The following MTPN variants were observed in gnomAD, a reference collection of about 807,000 sequenced individuals.
The protein encoded by MTPN is granule cell differentiation protein.
A neutral mutation model predicts 13.5 loss-of-function variants in MTPN; 2 were observed. The ratio of observed to expected loss-of-function variants is 0.15; its 90% CI spans 0.06 to 0.47. The LOEUF (loss-of-function observed/expected upper bound fraction) is 0.47. Ranked by LOEUF, MTPN falls within the 20% of genes least tolerant of loss-of-function variation. MTPN has a pLI of 0.97. For missense variants in MTPN, 79 were observed against 137.9 expected, an observed-to-expected ratio of 0.57 and a Z score of 2.14; for synonymous variants, 46 against 51.7, an observed-to-expected ratio of 0.89 and a Z score of 0.48.
Position 135,977,207 on chromosome 7 carries a change from G to A in MTPN, c.-107C>T. ...GGAGGCAGGGCCGCGCGAAGCCGGA[G>A]AGGAGAAGAAGAGAAGGAGGGTTAG... is the stretch of plus-strand genomic sequence containing the variant. On this transcript the variant is annotated 5_prime_UTR_variant, in exon 1 of 4. Transcript: ENST00000393085. 2 of 1,167,156 alleles carry A rather than the reference G, an allele frequency of 1.7e-6. No individual in the cohort carries two copies. Among genetic ancestry groups the A allele is most frequent in the Non-Finnish European group, 2.6e-6 (2 of 783,404 alleles). 72.3% of individuals were successfully genotyped at this position (1,167,156 alleles called of 1,614,324 possible). A position where few individuals can be genotyped will look rare whatever the true frequency, so the allele number is the denominator to read the frequency against.
intron 1 of MTPN, among the ~76,000 whole-genome samples, chr7:135,967,101 C>T (rs144806420): frequency 2.0e-5 from 3 of 152,010 alleles, no homozygotes; most frequent in African/African-American, 7.2e-5. Flanking sequence ...GTCATTAAGA[C>T]AAAACTCATT....
Position 135,927,618 on chromosome 7 carries a change from A to C in MTPN, c.*2308T>G, listed in dbSNP as rs1240206704. The C allele has an allele frequency of 9.0e-6, 6 of 669,622 alleles. No individual in the cohort carries two copies. Among genetic ancestry groups the C allele is most frequent in the Non-Finnish European group, 1.7e-5 (6 of 360,756 alleles). The allele number at this position is 669,622 out of a possible 1,614,324, so 41.5% of individuals were successfully genotyped here. A position where few individuals can be genotyped will look rare whatever the true frequency, so the allele number is the denominator to read the frequency against. ...ATTAAGTGTTGTGAATTTGTCTGCC[A>C]AGTGGTTCAGAAATACATTATAAAT... On this transcript the variant is annotated 3_prime_UTR_variant, in exon 4 of 4. Transcript: ENST00000393085.
chr7:135,957,465 T>C (rs1173883144), intron 1 of MTPN, among the ~76,000 whole-genome samples: 1 of 152,122 alleles, frequency 6.6e-6, no homozygotes, highest in Non-Finnish European at 1.5e-5. Context: ...GAGTCTTCCT[T>C]GGTCCTAACC....
intron 3 of MTPN, among the ~76,000 whole-genome samples, chr7:135,933,295 A>G (rs137970294): frequency 1.1e-3 from 165 of 152,210 alleles, no homozygotes; most frequent in African/African-American, 3.7e-3. Context: ...TGCTACATAC[A>G]TAGGCCTTTA....
intron 1 of MTPN, among the ~76,000 whole-genome samples, chr7:135,961,474 G>T (rs1285238586): frequency 6.6e-6 from 1 of 151,792 alleles, no homozygotes; most frequent in Non-Finnish European, 1.5e-5. Context: ...GGACTACAGA[G>T]AGAAACTATC....
intron 1 of MTPN, among the ~76,000 whole-genome samples, chr7:135,973,317 A>C (rs1444399465): frequency 3.3e-5 from 5 of 149,850 alleles, no homozygotes; most frequent in Non-Finnish European, 5.9e-5. Context: ...CAACTGATCT[A>C]AAGTAGTAAG....
intron 1 of MTPN, among the ~76,000 whole-genome samples, chr7:135,954,884 A>G (rs1231972789): frequency 6.6e-6 from 1 of 152,226 alleles, no homozygotes; most frequent in African/African-American, 2.4e-5. Flanking sequence ...CAGAGCTTGC[A>G]GTAAGCCGAG....
rs1369427487 is a variant in MTPN, at chr7:135,927,203, A to T, written c.*2723T>A. Reference sequence around the variant, plus strand: ...TACTTGGGAAAAGATATCAATGAATAAAAGGCCTACTTGTTTGCAGCTTCC... The same window carrying T: ...TACTTGGGAAAAGATATCAATGAATTAAAGGCCTACTTGTTTGCAGCTTCC... On this transcript the variant is annotated 3_prime_UTR_variant, in exon 4 of 4. Coordinates refer to ENST00000393085, the MANE Select transcript of MTPN (RefSeq NM_145808.4). 4 of 1,112,368 alleles carry T rather than the reference A, an allele frequency of 3.6e-6. No individual in the cohort carries two copies. In the African/African-American group the frequency reaches 6.4e-5, roughly 18 times the overall value. 68.9% of individuals were successfully genotyped at this position (1,112,368 alleles called of 1,614,324 possible).
chr7:135,935,604 T>C lies in MTPN; in HGVS notation c.271-5592A>G, dbSNP rs568334747. The stretch of plus-strand genomic sequence containing the variant: ...GGGTGTTCTTTCTCAAATGCCAGTC[T>C]GATCATACTGTTCATATACCTAAAA... On this transcript the variant is annotated intron_variant, in intron 3 of 3. Transcript: ENST00000393085. Among the ~76,000 whole-genome samples the C allele has an allele frequency of 2.0e-5, 3 of 152,336 alleles. No individual in the cohort carries two copies. In the South Asian group the frequency reaches 6.2e-4, roughly 32 times the overall value.
chr7:135,936,247 G>A (rs143998017), intron 3 of MTPN, among the ~76,000 whole-genome samples: 2,634 of 152,318 alleles, frequency 0.017, 32 homozygotes, highest in Non-Finnish European at 0.026. Context: ...CACTTTGGGA[G>A]GCCAGGGTGG....
chr7:135,976,924 T>TTCC, intron 1 of MTPN, 105 bp downstream of exon 1: 1 of 724,844 alleles, frequency 1.4e-6, no homozygotes, highest in Non-Finnish European at 2.5e-6. Context: ...AGGAAGTCTC[T>TTCC]CCTCCCGCCC....
chr7:135,947,700 T>C (rs540557007), intron 3 of MTPN, among the ~76,000 whole-genome samples: 3 of 152,268 alleles, frequency 2.0e-5, no homozygotes, highest in Admixed American at 1.3e-4. Context: ...TGCTGAATCC[T>C]ACATCTTGGA....
At chr7:135,949,836 C>T (rs1245179886) in intron 3 of MTPN, among the ~76,000 whole-genome samples, 2 of 152,146 alleles carry the variant, frequency 1.3e-5, no homozygotes, top group Non-Finnish European at 2.9e-5. Flanking sequence ...TTCTGTTTTT[C>T]TCTTGCTTCT....
At chr7:135,975,128 T>C (rs1403084454) in intron 1 of MTPN, among the ~76,000 whole-genome samples, 1 of 152,230 alleles carries the variant, frequency 6.6e-6, no homozygotes, top group East Asian at 1.9e-4. Context: ...GGTAGTAATA[T>C]AGGGAAAATA....
rs777484593 is a variant in MTPN, at chr7:135,939,808, TGAAG to T, written c.271-9800_271-9797del. Among the ~76,000 whole-genome samples the T allele has an allele frequency of 1.1e-4, 17 of 152,156 alleles. No homozygotes were observed. The East Asian group carries it at 1.9e-3, about 17-fold the overall frequency. On this transcript the variant is annotated intron_variant, in intron 3 of 3. Transcript: ENST00000393085. ...CTTCCCCAAATTAGGCTGAGCTCCA[TGAAG>T]GAAGGGGTCCTGTTATATTTGTCCC...
intron 3 of MTPN, among the ~76,000 whole-genome samples, chr7:135,945,954 C>T (rs1208583580): frequency 6.6e-6 from 1 of 152,024 alleles, no homozygotes; most frequent in Non-Finnish European, 1.5e-5. Context: ...ATAAATTAGG[C>T]ACAGGAAGAA....
intron 3 of MTPN, among the ~76,000 whole-genome samples, chr7:135,946,429 G>A (rs1413166690): frequency 7.9e-5 from 12 of 152,170 alleles, no homozygotes; most frequent in Non-Finnish European, 1.3e-4. Context: ...GTTTTAAAAC[G>A]ATGTGCCTTA....
chr7:135,969,263 A>C (rs1260307281), intron 1 of MTPN, among the ~76,000 whole-genome samples: 1 of 151,190 alleles, frequency 6.6e-6, no homozygotes, highest in African/African-American at 2.4e-5. Context: ...AGAAAAAAAA[A>C]AGAATGTCAG....
intron 3 of MTPN, among the ~76,000 whole-genome samples, chr7:135,944,023 T>C (rs1799251292): frequency 6.6e-6 from 1 of 152,198 alleles, no homozygotes; most frequent in African/African-American, 2.4e-5. Flanking sequence ...TATTTATTTA[T>C]AAGAATTCGT....
Sources: gnomAD v4.1 joint callset for allele counts (sites outside exome capture counted in the v4.1 genomes callset) on GRCh38, gnomAD v4.1.1 for gene constraint, MANE v1.5 for transcripts, NCBI Gene and HGNC (gene_info 2026-07-23, HGNC 2026-07-21) for gene names.